Variants in B3GALT1 observed in about 807,000 individuals in gnomAD.
B3GALT1 encodes beta-1,3-galactosyltransferase 1.
A neutral mutation model predicts 23.2 loss-of-function variants in B3GALT1; 10 were observed. That is an observed-to-expected ratio of 0.43 (90% CI 0.27 to 0.73). The LOEUF (loss-of-function observed/expected upper bound fraction) is 0.73, where lower values mean the gene tolerates loss of function less well. B3GALT1 is among the 30% of genes least tolerant of loss of function. B3GALT1 has a pLI of 0.21. For synonymous variants in B3GALT1, 156 were observed against 141.5 expected (o/e 1.10, Z -0.73); for missense variants, 299 against 405.4 (o/e 0.74, Z 2.25).
intron 1 of B3GALT1, among the ~76,000 whole-genome samples, chr2:167,409,531 CTTGA>C (rs1476853303): frequency 6.6e-6 from 1 of 151,750 alleles, no homozygotes; most frequent in African/African-American, 2.4e-5. Context: ...CTTTCTTCTG[CTTGA>C]TTGATTTGGC....
At chr2:167,713,629 T>C in intron 3 of B3GALT1, 1 of 1,177,788 alleles carries the variant, frequency 8.5e-7, no homozygotes, top group Non-Finnish European at 1.2e-6. Flanking sequence ...CAGTCAAAGT[T>C]GCTTTTGAAG....
chr2:167,569,118 T>G (rs374987010), intron 2 of B3GALT1, among the ~76,000 whole-genome samples: 1 of 152,022 alleles, frequency 6.6e-6, no homozygotes, highest in East Asian at 1.9e-4. Flanking sequence ...TTATCTTGAT[T>G]ACTGTAGCTT....
intron 1 of B3GALT1, among the ~76,000 whole-genome samples, chr2:167,335,269 G>C (rs1401788622): frequency 6.6e-6 from 1 of 152,050 alleles, no homozygotes; most frequent in Non-Finnish European, 1.5e-5. Flanking sequence ...AAAGTAGATT[G>C]GCTTACCTTT....
intron 1 of B3GALT1, among the ~76,000 whole-genome samples, chr2:167,342,676 C>T (rs1389571842): frequency 6.6e-6 from 1 of 151,728 alleles, no homozygotes; most frequent in African/African-American, 2.4e-5. Context: ...ATATTTAGTT[C>T]CCATTTCCCC....
intron 1 of B3GALT1, among the ~76,000 whole-genome samples, chr2:167,471,670 G>A (rs1027168557): frequency 1.3e-5 from 2 of 152,212 alleles, no homozygotes; most frequent in African/African-American, 4.8e-5. Context: ...TAAAAAAAAT[G>A]AAAACACTGC....
rs966749985 is a variant in B3GALT1 at position 167,546,095 on chromosome 2, T to C, written c.-410+55818T>C. 5.9e-5 allele frequency among the ~76,000 whole-genome samples: 9 copies of C among 152,182 alleles called. No individual in the cohort carries two copies. In the South Asian group the frequency reaches 1.9e-3, roughly 32 times the overall value. On this transcript the variant is annotated intron_variant, in intron 2 of 4. Coordinates refer to ENST00000392690, the MANE Select transcript of B3GALT1 (RefSeq NM_020981.4). ...AAATGTTTTGGATTTTGGAGCATTT[T>C]GAATTTTGGAGTTTGGGATAAGGTT...
chr2:167,715,032 T>C (rs1486408150), intron 3 of B3GALT1: 12 of 1,611,588 alleles, frequency 7.4e-6, no homozygotes, highest in Middle Eastern at 2.2e-4. Context: ...TCCTTTGTTT[T>C]GTCCACTTCA....
rs541720470 is a variant in B3GALT1, at chr2:167,848,628, G to A, written c.-229-20183G>A. ...AAAAGCCATCTATGACAAACCCACC[G>A]CCAACATAATACTGAATGGGGAAAA... On this transcript the variant is annotated intron_variant, in intron 4 of 4. Transcript: ENST00000392690. 3.9e-5 allele frequency among the ~76,000 whole-genome samples: 6 copies of A among 152,172 alleles called. No individual in the cohort carries two copies. In the South Asian group the frequency reaches 1.0e-3, roughly 26 times the overall value.
intron 2 of B3GALT1, among the ~76,000 whole-genome samples, chr2:167,589,590 A>G (rs1430328153): frequency 1.3e-5 from 2 of 152,186 alleles, no homozygotes; most frequent in Admixed American, 6.5e-5. Context: ...TTAATATTCC[A>G]GTTTTATCAC....
At chr2:167,628,644 T>G (rs1685387617) in intron 2 of B3GALT1, among the ~76,000 whole-genome samples, 1 of 151,724 alleles carries the variant, frequency 6.6e-6, no homozygotes, top group Non-Finnish European at 1.5e-5. Flanking sequence ...ATTGTGAGAC[T>G]TCACTCAAAT....
At chr2:167,612,272 TG>T (rs1685079758) in intron 2 of B3GALT1, among the ~76,000 whole-genome samples, 7 of 151,928 alleles carry the variant, frequency 4.6e-5, no homozygotes, top group Admixed American at 3.3e-4. Flanking sequence ...ATTTCTCTCT[TG>T]TGATAGTATG....
At chr2:167,418,781 C>T (rs1014170870) in intron 1 of B3GALT1, among the ~76,000 whole-genome samples, 2 of 152,074 alleles carry the variant, frequency 1.3e-5, no homozygotes, top group African/African-American at 4.8e-5. Flanking sequence ...AGGCAGTCCG[C>T]CTGCTTTGGC....
At chr2:167,568,038 C>G (rs151043327) in intron 2 of B3GALT1, among the ~76,000 whole-genome samples, 1 of 152,004 alleles carries the variant, frequency 6.6e-6, no homozygotes, top group Non-Finnish European at 1.5e-5. Context: ...TTTAAGTTTC[C>G]TCCGTGTCTT....
chr2:167,407,793 C>T (rs1269083142), intron 1 of B3GALT1, among the ~76,000 whole-genome samples: 23 of 151,872 alleles, frequency 1.5e-4, no homozygotes, highest in Admixed American at 1.4e-3. Context: ...ACAAAGAAAC[C>T]TCAAAAAACC....
chr2:167,446,042 C>G (rs1698983324), intron 1 of B3GALT1, among the ~76,000 whole-genome samples: 1 of 152,140 alleles, frequency 6.6e-6, no homozygotes, highest in Non-Finnish European at 1.5e-5. Flanking sequence ...TTCAGGAGCT[C>G]TTCTAAGGCA....
chr2:167,446,430 G>A (rs1346537902), intron 1 of B3GALT1, among the ~76,000 whole-genome samples: 1 of 152,196 alleles, frequency 6.6e-6, no homozygotes, highest in African/African-American at 2.4e-5. Flanking sequence ...AGTTGGGGAA[G>A]TTCTCCTGGA....
chr2:167,803,294 T>C (rs992772326), intron 3 of B3GALT1, among the ~76,000 whole-genome samples: 21 of 152,220 alleles, frequency 1.4e-4, no homozygotes, highest in African/African-American at 3.6e-4. Flanking sequence ...GAAGAACAAA[T>C]AGACTTCCTA....
chr2:167,384,554 T>C (rs1019496338), intron 1 of B3GALT1, among the ~76,000 whole-genome samples: 9 of 152,274 alleles, frequency 5.9e-5, no homozygotes, highest in African/African-American at 1.9e-4. Context: ...ATCCAGTCAG[T>C]TGCCCAAGTT....
At chr2:167,544,906 C>T (rs953272707) in intron 2 of B3GALT1, among the ~76,000 whole-genome samples, 10 of 151,596 alleles carry the variant, frequency 6.6e-5, no homozygotes, top group Non-Finnish European at 1.2e-4. Flanking sequence ...TAGAGAAACG[C>T]GCATGTACCC....
Sources: allele counts gnomAD v4.1 joint callset (sites outside exome capture counted in the v4.1 genomes callset), GRCh38; gene constraint gnomAD v4.1.1; transcripts MANE v1.5; gene names NCBI Gene and HGNC (gene_info 2026-07-23, HGNC 2026-07-21).